SPIRE2: variants seen among roughly 807,000 people sequenced by gnomAD.
The protein encoded by SPIRE2 is spire type actin nucleation factor 2, also known as protein spire homolog 2.
In SPIRE2, 76 loss-of-function variants were observed where a neutral mutation model predicts 80.7. The ratio of observed to expected loss-of-function variants is 0.94; its 90% CI spans 0.78 to 1.14. The LOEUF (loss-of-function observed/expected upper bound fraction) is 1.14, where lower values mean the gene tolerates loss of function less well. SPIRE2 is among the 50% of genes most tolerant of loss of function. The probability of loss-of-function intolerance (pLI) is 0.00; values close to 1 mark genes in which losing one functional copy is unlikely to be tolerated. For synonymous variants in SPIRE2, 535 were observed against 432.6 expected, an observed-to-expected ratio of 1.24 and a Z score of -2.94; for missense variants, 1,196 against 1,015.3, an observed-to-expected ratio of 1.18 and a Z score of -2.42.
intron 13 of SPIRE2, among the ~76,000 whole-genome samples, chr16:89,869,070 A>ATG (rs2041816030): frequency 9.8e-6 from 1 of 102,116 alleles, no homozygotes; most frequent in African/African-American, 3.9e-5. Context: ...ATATATATAT[A>ATG]TATATGTTAC....
In SPIRE2 at chr16:89,859,266, G is replaced by A. The variant is rs1567677084; in HGVS notation, c.1374G>A (p.Gln458=). The A allele has an allele frequency of 6.2e-7, 1 of 1,607,484 alleles. No homozygotes were observed. The change falls in exon 9 of 15, where the codon CAG becomes CAA. Residue 458 remains glutamine (Q), a synonymous_variant. Coordinates refer to ENST00000378247, the MANE Select transcript of SPIRE2 (RefSeq NM_032451.2). ...QLRSEVASGL[Q]SATHPPGGTE... is the part of the protein sequence containing the mutation. ...GAAGTGAGGTGGCCTCTGGCCTGCA[G>A]TCGGCCACCCACCCCCCAGGAGGGA... is the stretch of plus-strand genomic sequence containing the variant.
intron 2 of SPIRE2, chr16:89,845,685 GGGTCA>G (rs1567672001): frequency 1.5e-6 from 1 of 675,892 alleles, no homozygotes; most frequent in Non-Finnish European, 2.7e-6. Context: ...CACAGAGCCG[GGGTCA>G]GGGAGACGAC....
intron 2 of SPIRE2, among the ~76,000 whole-genome samples, chr16:89,847,486 CGTGGT>C (rs1567672528): frequency 3.3e-5 from 5 of 152,200 alleles, no homozygotes; most frequent in Admixed American, 3.3e-4. Flanking sequence ...GGGGGCCTGC[CGTGGT>C]ACATCTTAAA....
chr16:89,858,131 C>T (rs1427755453), intron 7 of SPIRE2, among the ~76,000 whole-genome samples: 6 of 152,194 alleles, frequency 3.9e-5, no homozygotes, highest in East Asian at 1.9e-4. Context: ...GTGATCCACC[C>T]GCCTTGGCCT....
intron 9 of SPIRE2, among the ~76,000 whole-genome samples, chr16:89,860,331 T>C (rs888886150): frequency 1.3e-5 from 2 of 152,280 alleles, no homozygotes; most frequent in East Asian, 1.9e-4. Flanking sequence ...CCATTATAGC[T>C]CACTGCAGCC....
chr16:89,868,082 G>C, intron 12 of SPIRE2, 107 bp from the exon 13 acceptor site: 1 of 1,222,868 alleles, frequency 8.2e-7, no homozygotes, highest in East Asian at 2.3e-5. Context: ...CAGGCAGAAG[G>C]CAAGGATGGT....
At chr16:89,868,433 A>C (rs535375789) in intron 13 of SPIRE2, among the ~76,000 whole-genome samples, 1 of 152,350 alleles carries the variant, frequency 6.6e-6, no homozygotes, top group South Asian at 2.1e-4. Flanking sequence ...CTCGTGCCAA[A>C]AAACCCTTCA....
At chr16:89,869,277 G>A (rs1385556822) in intron 13 of SPIRE2, among the ~76,000 whole-genome samples, 1 of 151,552 alleles carries the variant, frequency 6.6e-6, no homozygotes, top group Non-Finnish European at 1.5e-5. Flanking sequence ...CCTCTAAGGA[G>A]CCCCTGTCCA....
chr16:89,842,632 G>A (rs187756742), intron 1 of SPIRE2, among the ~76,000 whole-genome samples: 2 of 151,710 alleles, frequency 1.3e-5, no homozygotes, highest in East Asian at 1.9e-4. Context: ...CTCGCCTGAT[G>A]TGGGCTTAGT....
rs186349994 is a variant in SPIRE2 at position 89,830,250 on chromosome 16, G to A, written c.244+1456G>A. Among the ~76,000 whole-genome samples, 197 of 151,344 alleles carry A rather than the reference G, an allele frequency of 1.3e-3. 6 individuals carry two copies. Among genetic ancestry groups the A allele is most frequent in the African/African-American group, 4.5e-3 (188 of 41,452 alleles). On this transcript the variant is annotated intron_variant, in intron 1 of 14. Coordinates refer to ENST00000378247, the MANE Select transcript of SPIRE2 (RefSeq NM_032451.2). ...GTGTGGCCCCTTCCTGGTCCTCACA[G>A]CCCCGGCAGCAGTTCCTGGCTGGGG...
intron 1 of SPIRE2, among the ~76,000 whole-genome samples, chr16:89,835,873 T>C (rs2143780466): frequency 6.6e-6 from 1 of 150,816 alleles, no homozygotes; most frequent in Middle Eastern, 3.4e-3. Flanking sequence ...TGCGTGGGAG[T>C]AGTTTAAAAG....
In SPIRE2 at chr16:89,828,687, A is replaced by C. The variant is rs780636755; in HGVS notation, c.137A>C (p.Gln46Pro). ...GAGCAGGCGTGGGCCGTGTGCTTCC[A>C]GGGCTGCCGCGGGCTGCGGGGCTCG... ...NEEQAWAVCF[Q>P]GCRGLRGSPG... The change falls in exon 1 of 15, where the codon CAG becomes CCG. Residue 46 changes from glutamine to proline, a missense_variant. Transcript: ENST00000378247. The surrounding 1 kb of genome is among the most constrained non-coding windows in gnomAD (Gnocchi z 5.9). 2 of 1,310,458 alleles carry C rather than the reference A, an allele frequency of 1.5e-6. No homozygotes were observed. 81.2% of individuals were successfully genotyped at this position (1,310,458 alleles called of 1,614,324 possible). A position where few individuals can be genotyped will look rare whatever the true frequency, so the allele number is the denominator to read the frequency against.
intron 1 of SPIRE2, among the ~76,000 whole-genome samples, chr16:89,834,035 C>T (rs1001300957): frequency 6.6e-6 from 1 of 152,212 alleles, no homozygotes; most frequent in Non-Finnish European, 1.5e-5. Context: ...CACAGGAAGG[C>T]AGTCCTGCAG....
intron 6 of SPIRE2, 186 bp from the exon 7 acceptor site, chr16:89,855,927 C>A: frequency 8.8e-7 from 1 of 1,130,680 alleles, no homozygotes; most frequent in Non-Finnish European, 1.2e-6. Context: ...ACCCCAGGTG[C>A]ATGCGGAGCC....
chr16:89,843,950 C>T (rs1022167841), intron 1 of SPIRE2, among the ~76,000 whole-genome samples: 13 of 147,890 alleles, frequency 8.8e-5, no homozygotes, highest in African/African-American at 3.2e-4. Context: ...ATCCACCCGC[C>T]GTGGCACCTC....
In SPIRE2 at chr16:89,858,423, T is replaced by C; in HGVS notation, c.1188T>C (p.Ala396=). ...GCATCAACCTGTCAGTCACAGATGC[T>C]GGGGGCAGCGCCCAGCGCCCGCGGC... ...TSCINLSVTD[A]GGSAQRPRPR... Residue 396 remains alanine, a synonymous_variant, in exon 8 of 15, where the codon GCT becomes GCC. Coordinates refer to ENST00000378247, the MANE Select transcript of SPIRE2 (RefSeq NM_032451.2). 6.2e-7 allele frequency: 1 copy of C among 1,612,010 alleles called. No individual in the cohort carries two copies.
intron 1 of SPIRE2, among the ~76,000 whole-genome samples, chr16:89,839,745 G>GTTC (rs1350729765): frequency 6.6e-6 from 1 of 152,218 alleles, no homozygotes; most frequent in African/African-American, 2.4e-5. Context: ...TCTGGGGGTG[G>GTTC]GGTGAAAAGG....
intron 1 of SPIRE2, among the ~76,000 whole-genome samples, chr16:89,839,118 G>C (rs2041478945): frequency 2.0e-5 from 3 of 151,502 alleles, no homozygotes; most frequent in Admixed American, 2.0e-4. Flanking sequence ...AAGGCGGGTG[G>C]ATCACGAGGT....
chr16:89,849,299 C>T (rs991091511), intron 2 of SPIRE2, among the ~76,000 whole-genome samples: 3 of 152,354 alleles, frequency 2.0e-5, no homozygotes, highest in Non-Finnish European at 2.9e-5. Context: ...CATGAGCAGC[C>T]GCCCGTCCTG....
Sources: allele counts gnomAD v4.1 joint callset (sites outside exome capture counted in the v4.1 genomes callset), GRCh38; gene constraint gnomAD v4.1.1; non-coding constraint Gnocchi (gnomAD v3.1); transcripts MANE v1.5; gene names NCBI Gene and HGNC (gene_info 2026-07-23, HGNC 2026-07-21).